The following MEGF6 variants were observed in gnomAD, a reference collection of about 807,000 sequenced individuals.
MEGF6 encodes multiple epidermal growth factor-like domains protein 6.
A neutral mutation model predicts 207.1 loss-of-function variants in MEGF6; 184 were observed. The ratio of observed to expected loss-of-function variants is 0.89; its 90% CI spans 0.79 to 1.00. MEGF6 has a LOEUF of 1.00. MEGF6 is among the 50% of genes least tolerant of loss of function. MEGF6 has a pLI of 0.00. For synonymous variants in MEGF6, 1,038 were observed against 910.0 expected (o/e 1.14, Z -2.53); for missense variants, 2,282 against 2,202.9 (o/e 1.04, Z -0.72).
At chr1:3,508,751 G>A in intron 12 of MEGF6, 62 bp from the exon 13 acceptor site, 4 of 1,585,524 alleles carry the variant, frequency 2.5e-6, no homozygotes, top group Non-Finnish European at 3.4e-6. Context: ...AGGCACAGAG[G>A]CCCGGCTCAG....
At chr1:3,577,716 C>T (rs974558447) in intron 4 of MEGF6, among the ~76,000 whole-genome samples, 19 of 152,156 alleles carry the variant, frequency 1.2e-4, no homozygotes, top group Non-Finnish European at 1.6e-4. Flanking sequence ...GCTGGTGGGG[C>T]GCAGGGAACC....
At chr1:3,499,031 C>T in intron 24 of MEGF6, 107 bp downstream of exon 24, 1 of 1,484,790 alleles carries the variant, frequency 6.7e-7, no homozygotes, top group East Asian at 2.4e-5. Context: ...GTCCTAACAG[C>T]CCCTTCCTCC....
chr1:3,595,229 T>TGTTGCTGGG (rs1206401379), intron 3 of MEGF6, 109 bp downstream of exon 3: 1 of 718,866 alleles, frequency 1.4e-6, no homozygotes, highest in Admixed American at 2.5e-5. Flanking sequence ...GAGTCTCTCG[T>TGTTGCTGGG]GTTGCTGGGG....
intron 4 of MEGF6, among the ~76,000 whole-genome samples, chr1:3,531,967 C>T (rs1642192199): frequency 6.6e-6 from 1 of 152,220 alleles, no homozygotes; most frequent in African/African-American, 2.4e-5. Flanking sequence ...TCCCCACGTC[C>T]AGTGCCTGCA....
chr1:3,557,915 C>T (rs1302606364), intron 4 of MEGF6, among the ~76,000 whole-genome samples: 3 of 152,198 alleles, frequency 2.0e-5, no homozygotes, highest in African/African-American at 7.2e-5. Context: ...TCTCAGGAAA[C>T]AAACATCGAA....
rs1640236101 is a variant in MEGF6, at chr1:3,488,689, T to G, written c.*1839A>C. Among the ~76,000 whole-genome samples the G allele has an allele frequency of 6.6e-6, 1 of 152,262 alleles. No individual in the cohort carries two copies. The highest frequency in any genetic ancestry group is 2.4e-5 in the African/African-American group (1 of 41,462). ...AACTCTGAGGATGGAACATCACAGT[T>G]TTCTGGCTCTCCGTGTTTCTCACGT... is the stretch of plus-strand genomic sequence containing the variant. On this transcript the variant is annotated 3_prime_UTR_variant, in exon 37 of 37. Coordinates refer to ENST00000356575, the MANE Select transcript of MEGF6 (RefSeq NM_001409.4).
At chr1:3,558,483 T>C (rs1392744002) in intron 4 of MEGF6, among the ~76,000 whole-genome samples, 1 of 152,174 alleles carries the variant, frequency 6.6e-6, no homozygotes, top group Non-Finnish European at 1.5e-5. Context: ...TTCCTGGTCA[T>C]AAGTTGTAAG....
Position 3,560,554 on chromosome 1 carries a change from C to T in MEGF6, c.481+19271G>A, listed in dbSNP as rs1400870313. On this transcript the variant is annotated intron_variant, in intron 4 of 36. Coordinates refer to ENST00000356575, the MANE Select transcript of MEGF6 (RefSeq NM_001409.4). This position sits in a 1 kb window ranked among gnomAD's most constrained non-coding sequence, Gnocchi z 4.0. The stretch of plus-strand genomic sequence containing the variant: ...GTGGCCTTGGACTGCTGTCCTCACT[C>T]AGCAACTTGCATTGAGGGGCTGAGA... The T allele has an allele frequency of 2.9e-6, 1 of 349,890 alleles. No homozygotes were observed. The highest frequency in any genetic ancestry group is 2.2e-5 in the South Asian group (1 of 45,182). The allele number at this position is 349,890 out of a possible 1,614,324, so 21.7% of individuals were successfully genotyped here.
At chr1:3,574,235 C>T (rs775151192) in intron 4 of MEGF6, among the ~76,000 whole-genome samples, 18 of 152,032 alleles carry the variant, frequency 1.2e-4, no homozygotes, top group South Asian at 6.2e-4. Flanking sequence ...CCCCCAGCAA[C>T]GCCTGGCTCC....
chr1:3,521,835 G>A (rs974895018), intron 5 of MEGF6, among the ~76,000 whole-genome samples: 1 of 152,196 alleles, frequency 6.6e-6, no homozygotes, highest in Non-Finnish European at 1.5e-5. Context: ...GACAAGGGGG[G>A]ACAACATGCC....
chr1:3,599,729 G>A (rs955699054), intron 2 of MEGF6, among the ~76,000 whole-genome samples: 12 of 152,192 alleles, frequency 7.9e-5, no homozygotes, highest in Non-Finnish European at 1.6e-4. Context: ...GCTGAGGGGC[G>A]TGCGTGGTGC....
chr1:3,499,055 C>T (rs1466908181), intron 24 of MEGF6, 83 bp downstream of exon 24: 1 of 1,540,528 alleles, frequency 6.5e-7, no homozygotes, highest in Admixed American at 1.9e-5. Flanking sequence ...CCCCAGGCAC[C>T]AAGTGTCCTG....
upstream of MEGF6, among the ~76,000 whole-genome samples, chr1:3,613,827 C>G (rs1164977985): frequency 6.6e-6 from 1 of 151,134 alleles, no homozygotes; most frequent in Non-Finnish European, 1.5e-5. Context: ...GCTGTGCTCT[C>G]CCCTGTCCCA....
chr1:3,500,612 A>G, intron 21 of MEGF6, 21 bp downstream of exon 21: 1 of 1,542,738 alleles, frequency 6.5e-7, no homozygotes, highest in Non-Finnish European at 8.7e-7. Context: ...GGTGGCAGCC[A>G]AAGGCAGGGC....
the MEGF6 span, among the ~76,000 whole-genome samples, chr1:3,616,863 G>A: frequency 2.2e-3 from 331 of 152,308 alleles, 4 homozygotes; most frequent in African/African-American, 7.2e-3. Context: ...CCGCCTGGCT[G>A]GGATGTCTTC....
intron 36 of MEGF6, 37 bp downstream of exon 36, chr1:3,490,875 T>C: frequency 6.4e-7 from 1 of 1,562,126 alleles, no homozygotes; most frequent in Non-Finnish European, 8.7e-7. Context: ...TAACCCACCC[T>C]CCTGGCAAGC....
intron 5 of MEGF6, among the ~76,000 whole-genome samples, chr1:3,517,421 C>T (rs1641584106): frequency 1.3e-5 from 2 of 152,240 alleles, no homozygotes; most frequent in African/African-American, 4.8e-5. Context: ...CCTCTTGCCA[C>T]TCCAGTCCAC....
At chr1:3,552,612 G>A (rs936779712) in intron 4 of MEGF6, among the ~76,000 whole-genome samples, 3 of 152,200 alleles carry the variant, frequency 2.0e-5, no homozygotes, top group South Asian at 2.1e-4. Context: ...GAGGATCGAC[G>A]GCCTGAGCCC....
intron 4 of MEGF6, among the ~76,000 whole-genome samples, chr1:3,567,628 C>G (rs1643383888): frequency 6.6e-6 from 1 of 152,238 alleles, no homozygotes; most frequent in Non-Finnish European, 1.5e-5. Flanking sequence ...CACGGCCAGC[C>G]TGGCCTAGCT....
Sources: allele counts gnomAD v4.1 joint callset (sites outside exome capture counted in the v4.1 genomes callset), GRCh38; gene constraint gnomAD v4.1.1; non-coding constraint Gnocchi (gnomAD v3.1); transcripts MANE v1.5; gene names NCBI Gene and HGNC (gene_info 2026-07-23, HGNC 2026-07-21).